The following PDE5A variants were observed in gnomAD, a reference collection of about 807,000 sequenced individuals.
PDE5A encodes phosphodiesterase 5A, also known as cGMP-specific 3',5'-cyclic phosphodiesterase.
In PDE5A, 67 loss-of-function variants were observed where a neutral mutation model predicts 110.2. The ratio of observed to expected loss-of-function variants is 0.61; its 90% CI spans 0.50 to 0.75. PDE5A has a LOEUF of 0.75. PDE5A is among the 30% of genes least tolerant of loss of function. The probability of loss-of-function intolerance (pLI) is 0.00; values close to 1 mark genes in which losing one functional copy is unlikely to be tolerated. For missense variants in PDE5A, 862 were observed against 1,045.1 expected, an observed-to-expected ratio of 0.82 and a Z score of 2.42; for synonymous variants, 328 against 351.2, an observed-to-expected ratio of 0.93 and a Z score of 0.74.
At chr4:119,560,446 T>C in intron 6 of PDE5A, 83 bp from the exon 7 acceptor site, 1 of 746,746 alleles carries the variant, frequency 1.3e-6, no homozygotes, top group Non-Finnish European at 2.1e-6. Flanking sequence ...TGCTATGGAA[T>C]TGACAAAAGA....
In PDE5A at chr4:119,606,778, T is replaced by C. The variant is rs200041600; in HGVS notation, c.672A>G (p.Glu224=). ...EEVSNNCIRL[E]WNKGIVGHVA... is the part of the protein sequence containing the mutation. ...CATGTCCCACAATGCCTTTGTTCCA[T>C]TCTAAGCGGATACAGTTATTTGAAA... The change falls in exon 2 of 21, where the codon GAA becomes GAG. Residue 224 remains glutamate (E), a synonymous_variant. Transcript: ENST00000354960. 3.2e-5 allele frequency: 51 copies of C among 1,614,196 alleles called. No individual in the cohort carries two copies. Among genetic ancestry groups the C allele is most frequent in the Non-Finnish European group, 4.3e-5 (51 of 1,180,052 alleles).
chr4:119,590,858 T>C (rs1728939770), intron 3 of PDE5A, among the ~76,000 whole-genome samples: 1 of 152,220 alleles, frequency 6.6e-6, no homozygotes, highest in Non-Finnish European at 1.5e-5. Flanking sequence ...CCAGAGTTGG[T>C]ACCAATGTCT....
intron 6 of PDE5A, among the ~76,000 whole-genome samples, chr4:119,561,014 G>A (rs1727729144): frequency 6.6e-6 from 1 of 152,188 alleles, no homozygotes; most frequent in South Asian, 2.1e-4. Context: ...CCAACTACTG[G>A]GAAGGCTGAG....
chr4:119,534,503 C>G (rs899681141), intron 11 of PDE5A, among the ~76,000 whole-genome samples: 33 of 152,066 alleles, frequency 2.2e-4, no homozygotes, highest in Non-Finnish European at 4.4e-4. Context: ...TATCTCCATT[C>G]CGCCCGCCCC....
At chr4:119,598,709 T>C (rs1483979551) in intron 2 of PDE5A, among the ~76,000 whole-genome samples, 3 of 152,198 alleles carry the variant, frequency 2.0e-5, no homozygotes, top group African/African-American at 7.2e-5. Flanking sequence ...TCTGGCTTTC[T>C]GCCTGAGGGC....
At chr4:119,529,850 G>C (rs1173256878) in intron 11 of PDE5A, among the ~76,000 whole-genome samples, 1 of 152,136 alleles carries the variant, frequency 6.6e-6, no homozygotes, top group East Asian at 1.9e-4. Context: ...GACCTGATGA[G>C]TTTGAAGGCA....
At chr4:119,499,501 G>A (rs1039790977) in intron 20 of PDE5A, 2 of 151,914 alleles carry the variant, frequency 1.3e-5, no homozygotes, top group Non-Finnish European at 2.9e-5. Context: ...ATTGTAACTG[G>A]TTTTATTTTC....
chr4:119,547,612 T>G (rs1173200806), intron 9 of PDE5A, among the ~76,000 whole-genome samples: 1 of 152,050 alleles, frequency 6.6e-6, no homozygotes, highest in Non-Finnish European at 1.5e-5. Context: ...GCTTTGACCA[T>G]GTACCTTCAG....
chr4:119,596,061 C>A (rs1252835304), intron 3 of PDE5A, among the ~76,000 whole-genome samples: 3 of 152,020 alleles, frequency 2.0e-5, no homozygotes, highest in Non-Finnish European at 4.4e-5. Flanking sequence ...TTTTCATTTG[C>A]CTGTTAAAAT....
At chr4:119,538,111 G>A (rs1455777728) in intron 11 of PDE5A, among the ~76,000 whole-genome samples, 3 of 152,028 alleles carry the variant, frequency 2.0e-5, no homozygotes, top group African/African-American at 7.2e-5. Context: ...GTGACCTTGA[G>A]CAAGTCACTG....
At chr4:119,625,354 C>T (rs1231656185) in intron 1 of PDE5A, among the ~76,000 whole-genome samples, 1 of 152,102 alleles carries the variant, frequency 6.6e-6, no homozygotes, top group African/African-American at 2.4e-5. Context: ...TGATAGTAAA[C>T]AATGTAATAT....
intron 9 of PDE5A, among the ~76,000 whole-genome samples, chr4:119,544,294 T>C (rs1257951807): frequency 6.6e-6 from 1 of 152,198 alleles, no homozygotes; most frequent in Non-Finnish European, 1.5e-5. Context: ...CTATTTGCAA[T>C]AGTGCTGCAG....
intron 11 of PDE5A, among the ~76,000 whole-genome samples, chr4:119,526,738 G>A (rs182975265): frequency 5.3e-4 from 80 of 152,196 alleles, no homozygotes; most frequent in African/African-American, 1.9e-3. Context: ...AAATCTGAAG[G>A]CACTTGCACA....
At chr4:119,507,468 A>T in intron 16 of PDE5A, 136 bp downstream of exon 16, 1 of 585,722 alleles carries the variant, frequency 1.7e-6, no homozygotes, top group Non-Finnish European at 3.0e-6. Flanking sequence ...CTACCCTTTC[A>T]GAAACTGCTC....
At chr4:119,623,897 T>C (rs1560648218) in intron 1 of PDE5A, among the ~76,000 whole-genome samples, 1 of 152,262 alleles carries the variant, frequency 6.6e-6, no homozygotes, top group Non-Finnish European at 1.5e-5. Flanking sequence ...GCATTAATTC[T>C]ACCACATTTT....
Position 119,542,453 on chromosome 4 carries a change from A to C in PDE5A, c.1572+6T>G. 1 of 1,612,882 alleles carries C rather than the reference A, an allele frequency of 6.2e-7. No individual in the cohort carries two copies. The highest frequency in any genetic ancestry group is 8.5e-7 in the Non-Finnish European group (1 of 1,179,166). Reference sequence around the variant, plus strand: ...ACAGTGTGAGAGGTCCCTAAACTTCACCCACCTCCAATGTGACCATTTGCT... The same window carrying C: ...ACAGTGTGAGAGGTCCCTAAACTTCCCCCACCTCCAATGTGACCATTTGCT... On this transcript the variant is annotated splice_donor_region_variant and intron_variant, in intron 10 of 20. Coordinates refer to ENST00000354960, the MANE Select transcript of PDE5A (RefSeq NM_001083.4).
chr4:119,504,454 A>T, intron 18 of PDE5A, 82 bp downstream of exon 18: 1 of 997,332 alleles, frequency 1.0e-6, no homozygotes, highest in Non-Finnish European at 1.5e-6. Flanking sequence ...ATTTTTCTTT[A>T]GGTAGATACC....
intron 16 of PDE5A, 147 bp downstream of exon 16, chr4:119,507,457 G>T: frequency 1.8e-6 from 1 of 557,336 alleles, no homozygotes; most frequent in Non-Finnish European, 3.1e-6. Context: ...GACTTTTCTG[G>T]CTACCCTTTC....
At chr4:119,574,157 C>A (rs1253475138) in intron 3 of PDE5A, among the ~76,000 whole-genome samples, 1 of 149,376 alleles carries the variant, frequency 6.7e-6, no homozygotes, top group African/African-American at 2.5e-5. Context: ...AAAGTGAAAT[C>A]AGCCCTAGTA....
Sources: allele counts gnomAD v4.1 joint callset (sites outside exome capture counted in the v4.1 genomes callset), GRCh38; gene constraint gnomAD v4.1.1; transcripts MANE v1.5; gene names NCBI Gene and HGNC (gene_info 2026-07-23, HGNC 2026-07-21).